NNMT: variants seen among roughly 807,000 people sequenced by gnomAD.
NNMT encodes nicotinamide N-methyltransferase.
Under a neutral mutation model 11.7 loss-of-function variants are expected in NNMT, and 10 were observed. The observed-to-expected ratio is 0.85, with a 90% CI of 0.53 to 1.45. NNMT has a LOEUF of 1.45. Among genes scored for constraint, NNMT ranks in the 40% most tolerant of loss-of-function variants. The pLI is 0.00. For synonymous variants in NNMT, 143 were observed against 133.8 expected, an observed-to-expected ratio of 1.07 and a Z score of -0.48; for missense variants, 381 against 319.4, an observed-to-expected ratio of 1.19 and a Z score of -1.47.
intron 2 of NNMT, among the ~76,000 whole-genome samples, chr11:114,298,894 T>A (rs928888035): frequency 1.3e-5 from 2 of 152,198 alleles, no homozygotes; most frequent in Non-Finnish European, 2.9e-5. Context: ...ACTGTCTTTC[T>A]CATATCCTTA....
chr11:114,285,044 G>C (rs900428840), intron 2 of NNMT, among the ~76,000 whole-genome samples: 2 of 151,872 alleles, frequency 1.3e-5, no homozygotes, highest in Non-Finnish European at 2.9e-5. Flanking sequence ...AGGTGTGAGC[G>C]ACTGTGCCTG....
intron 1 of NNMT, among the ~76,000 whole-genome samples, chr11:114,258,762 C>G (rs1248761237): frequency 6.6e-6 from 1 of 152,242 alleles, no homozygotes; most frequent in East Asian, 1.9e-4. Flanking sequence ...CCCTGCTCAG[C>G]ACCCAACTTC....
intron 2 of NNMT, among the ~76,000 whole-genome samples, chr11:114,274,663 T>G (rs1338727624): frequency 6.6e-6 from 1 of 152,178 alleles, no homozygotes; most frequent in Non-Finnish European, 1.5e-5. Flanking sequence ...GTGAGTTCTA[T>G]AAAGCCCCAA....
chr11:114,300,775 C>T (rs910359240), intron 2 of NNMT, among the ~76,000 whole-genome samples: 7 of 152,144 alleles, frequency 4.6e-5, no homozygotes, highest in African/African-American at 1.7e-4. Flanking sequence ...TGTGAAATAT[C>T]TCCCTTTATT....
chr11:114,290,552 T>C (rs1218541454), intron 2 of NNMT, among the ~76,000 whole-genome samples: 2 of 152,218 alleles, frequency 1.3e-5, no homozygotes, highest in African/African-American at 4.8e-5. Context: ...GGGATTAATG[T>C]GGAAAACTAG....
intron 2 of NNMT, among the ~76,000 whole-genome samples, chr11:114,281,563 A>G (rs1375282047): frequency 6.6e-6 from 1 of 152,198 alleles, no homozygotes; most frequent in Middle Eastern, 3.2e-3. Flanking sequence ...GCAAAGGGTC[A>G]GACAGTGTGA....
chr11:114,310,087 G>A (rs1159583474), intron 2 of NNMT, among the ~76,000 whole-genome samples: 1 of 152,116 alleles, frequency 6.6e-6, no homozygotes, highest in Admixed American at 6.5e-5. Flanking sequence ...ACAAGTTTTT[G>A]TATGGATATA....
intron 2 of NNMT, among the ~76,000 whole-genome samples, chr11:114,299,755 A>C (rs1175199217): frequency 6.7e-6 from 1 of 150,162 alleles, no homozygotes; most frequent in African/African-American, 2.4e-5. Flanking sequence ...ACTTTTCAAG[A>C]AGTTTGTCCT....
chr11:114,309,798 A>T (rs1324590020), intron 2 of NNMT, among the ~76,000 whole-genome samples: 1 of 152,186 alleles, frequency 6.6e-6, no homozygotes, highest in Non-Finnish European at 1.5e-5. Context: ...CAAATCCCTC[A>T]GCTCCTGGCA....
At chr11:114,261,509 G>A (rs1305805165) in intron 1 of NNMT, among the ~76,000 whole-genome samples, 5 of 152,152 alleles carry the variant, frequency 3.3e-5, no homozygotes, top group South Asian at 2.1e-4. Flanking sequence ...GCTTGAACCC[G>A]GGAGATGGAG....
intron 1 of NNMT, among the ~76,000 whole-genome samples, chr11:114,297,116 G>A (rs1310811917): frequency 6.6e-6 from 1 of 152,176 alleles, no homozygotes; most frequent in African/African-American, 2.4e-5. Flanking sequence ...GATTTTTGGA[G>A]AAAGACATTA....
chr11:114,312,180 G>C lies in NNMT; in HGVS notation c.498G>C (p.Leu166=). Residue 166 remains leucine, a synonymous_variant, in exon 3 of 3, where the codon CTG becomes CTC. Coordinates refer to ENST00000299964, the MANE Select transcript of NNMT (RefSeq NM_006169.3). ...PADCVLSTLC[L]DAACPDLPTY... The stretch of plus-strand genomic sequence containing the variant: ...ACTGCGTGCTCAGCACACTGTGTCT[G>C]GATGCCGCCTGCCCAGACCTCCCCA... 6.2e-7 allele frequency: 1 copy of C among 1,614,230 alleles called. No homozygotes were observed. Among genetic ancestry groups the C allele is most frequent in the Non-Finnish European group, 8.5e-7 (1 of 1,180,036 alleles).
At chr11:114,282,504 T>A (rs1269355256) in intron 2 of NNMT, among the ~76,000 whole-genome samples, 2 of 152,222 alleles carry the variant, frequency 1.3e-5, no homozygotes, top group Non-Finnish European at 2.9e-5. Flanking sequence ...AAGCATTTTG[T>A]GACAGAGATT....
Position 114,285,305 on chromosome 11 carries a change from A to G in NNMT, c.-129-11123A>G, listed in dbSNP as rs139826368. Among the ~76,000 whole-genome samples the G allele has an allele frequency of 4.7e-4, 71 of 152,288 alleles. No homozygotes were observed. The South Asian group carries it at 0.014, about 30-fold the overall frequency. On this transcript the variant is annotated intron_variant, in intron 2 of 4. Transcript: ENST00000535401. ...GATTTTCAACCCAAAGCTCTACGAG[A>G]GGGCACACTGTGAGAACCAGGCAGA...
chr11:114,299,826 C>A (rs527255132), intron 2 of NNMT, among the ~76,000 whole-genome samples: 1 of 149,860 alleles, frequency 6.7e-6, no homozygotes, highest in East Asian at 2.0e-4. Context: ...CTTTTAATAC[C>A]TTATTATGTC....
chr11:114,279,667 A>C (rs1471269329), intron 2 of NNMT, among the ~76,000 whole-genome samples: 1 of 152,216 alleles, frequency 6.6e-6, no homozygotes, highest in Non-Finnish European at 1.5e-5. Context: ...AGAAGGAGAC[A>C]GTGCTAGGAA....
At chr11:114,291,423 G>C (rs2135265184), upstream of NNMT, among the ~76,000 whole-genome samples, 1 of 152,334 alleles carries the variant, frequency 6.6e-6, no homozygotes, top group Middle Eastern at 3.4e-3. Flanking sequence ...TCTCTATGTT[G>C]GTTCCACCAG....
chr11:114,289,543 A>G (rs1260546300), intron 2 of NNMT, among the ~76,000 whole-genome samples: 1 of 152,114 alleles, frequency 6.6e-6, no homozygotes, highest in Non-Finnish European at 1.5e-5. Context: ...GAGTTTTTAT[A>G]TGTAGTATTT....
chr11:114,292,107 T>C (rs1945339358), upstream of NNMT, among the ~76,000 whole-genome samples: 1 of 152,220 alleles, frequency 6.6e-6, no homozygotes, highest in Non-Finnish European at 1.5e-5. Context: ...TTGCCCTCTG[T>C]TACATTTTGG....
Sources: allele counts gnomAD v4.1 joint callset (sites outside exome capture counted in the v4.1 genomes callset), GRCh38; gene constraint gnomAD v4.1.1; transcripts MANE v1.5; gene names NCBI Gene and HGNC (gene_info 2026-07-23, HGNC 2026-07-21).